NRG3: variants seen among roughly 807,000 people sequenced by gnomAD.
The protein encoded by NRG3 is neuregulin 3.
Under a neutral mutation model 66.9 loss-of-function variants are expected in NRG3, and 31 were observed. The observed-to-expected ratio is 0.46, with a 90% confidence interval of 0.35 to 0.63. NRG3 has a LOEUF of 0.63. Among genes scored for constraint, NRG3 ranks in the 20% least tolerant of loss-of-function variants. NRG3 has a pLI of 0.00. For synonymous variants in NRG3, 393 were observed against 359.4 expected, an observed-to-expected ratio of 1.09 and a Z score of -1.06; for missense variants, 910 against 878.9, an observed-to-expected ratio of 1.04 and a Z score of -0.45.
intron 2 of NRG3, among the ~76,000 whole-genome samples, chr10:82,671,977 G>T (rs914024027): frequency 2.0e-5 from 3 of 152,126 alleles, no homozygotes; most frequent in Non-Finnish European, 2.9e-5. Context: ...TATTTAAATG[G>T]TTATGTTTCC....
intron 3 of NRG3, among the ~76,000 whole-genome samples, chr10:82,739,258 G>A (rs2134751757): frequency 6.6e-6 from 1 of 152,302 alleles, no homozygotes; most frequent in South Asian, 2.1e-4. Flanking sequence ...TGTTTGTATG[G>A]TAGTAAAAGT....
intron 2 of NRG3, among the ~76,000 whole-genome samples, chr10:82,626,140 A>C (rs688413): frequency 0.74 from 112,715 of 151,984 alleles, 42,066 homozygotes; most frequent in Middle Eastern, 0.85. Context: ...TCAGCCTCAC[A>C]ATCCATGGCT....
intron 1 of NRG3, among the ~76,000 whole-genome samples, chr10:81,956,830 A>G (rs1267115560): frequency 6.6e-6 from 1 of 152,096 alleles, no homozygotes; most frequent in Non-Finnish European, 1.5e-5. Flanking sequence ...ACTATCCCCT[A>G]TTAGGCCCTG....
At chr10:81,892,648 G>A (rs1843132087) in intron 1 of NRG3, among the ~76,000 whole-genome samples, 1 of 152,160 alleles carries the variant, frequency 6.6e-6, no homozygotes, top group Non-Finnish European at 1.5e-5. Flanking sequence ...GAGAGTAGAT[G>A]AATGGTTGCC....
chr10:82,765,043 T>G (rs963261494), intron 3 of NRG3, among the ~76,000 whole-genome samples: 3 of 152,176 alleles, frequency 2.0e-5, no homozygotes, highest in African/African-American at 7.2e-5. Flanking sequence ...CTTGCTAAAG[T>G]GATTGGTAAA....
At chr10:82,507,836 A>G (rs1844825783) in intron 2 of NRG3, among the ~76,000 whole-genome samples, 1 of 152,216 alleles carries the variant, frequency 6.6e-6, no homozygotes, top group African/African-American at 2.4e-5. Flanking sequence ...TAATCAATTT[A>G]TTTATTATTT....
chr10:82,392,489 C>T (rs1421485574), intron 2 of NRG3, among the ~76,000 whole-genome samples: 3 of 151,992 alleles, frequency 2.0e-5, no homozygotes, highest in Non-Finnish European at 2.9e-5. Context: ...AGGAGTCTGG[C>T]GATAAATTAC....
At chr10:82,200,666 C>G (rs913587444) in intron 1 of NRG3, among the ~76,000 whole-genome samples, 1 of 152,126 alleles carries the variant, frequency 6.6e-6, no homozygotes, top group African/African-American at 2.4e-5. Context: ...TGCCCGAAGT[C>G]AAGCAGCTAG....
At chr10:82,470,079 C>T (rs898150620) in intron 2 of NRG3, among the ~76,000 whole-genome samples, 8 of 152,186 alleles carry the variant, frequency 5.3e-5, no homozygotes, top group Non-Finnish European at 1.0e-4. Context: ...GGAGCCCTCC[C>T]TCTGGCCTCT....
intron 1 of NRG3, among the ~76,000 whole-genome samples, chr10:82,139,899 A>G (rs1359894660): frequency 1.6e-4 from 13 of 79,710 alleles, no homozygotes; most frequent in Admixed American, 1.4e-3. Context: ...TTGTATTTAG[A>G]TGAATCACCA....
chr10:82,809,101 C>T (rs991494323), intron 3 of NRG3, among the ~76,000 whole-genome samples: 3 of 152,172 alleles, frequency 2.0e-5, no homozygotes, highest in Non-Finnish European at 2.9e-5. Context: ...CAAGACAACA[C>T]ATGCACCATG....
At chr10:82,494,028 A>G (rs1843396934) in intron 2 of NRG3, among the ~76,000 whole-genome samples, 1 of 152,200 alleles carries the variant, frequency 6.6e-6, no homozygotes, top group African/African-American at 2.4e-5. Flanking sequence ...GCAAATCAAA[A>G]CCACAATGAA....
At chr10:82,850,607 T>A (rs1005497530) in intron 3 of NRG3, among the ~76,000 whole-genome samples, 1 of 152,110 alleles carries the variant, frequency 6.6e-6, no homozygotes, top group African/African-American at 2.4e-5. Context: ...CTTAACAGCA[T>A]GAAAGCTCAA....
chr10:82,166,233 G>T (rs1468530340), intron 1 of NRG3, among the ~76,000 whole-genome samples: 2 of 152,024 alleles, frequency 1.3e-5, no homozygotes, highest in African/African-American at 2.4e-5. Flanking sequence ...TGTTGAGGCT[G>T]GTCTCTAACT....
intron 1 of NRG3, among the ~76,000 whole-genome samples, chr10:82,098,854 C>T (rs1397477156): frequency 6.6e-6 from 1 of 152,190 alleles, no homozygotes; most frequent in East Asian, 1.9e-4. Context: ...AGCTCCACCT[C>T]CTGGGTTCAC....
At chr10:82,534,261 C>CTT (rs1196709690) in intron 2 of NRG3, among the ~76,000 whole-genome samples, 4 of 149,974 alleles carry the variant, frequency 2.7e-5, no homozygotes, top group Middle Eastern at 6.8e-3. Context: ...TAGAAAAATC[C>CTT]ATTTTGTTTT....
rs1591188411 is a variant in NRG3 at position 82,691,870 on chromosome 10, G to A, written c.954-46707G>A. Among the ~76,000 whole-genome samples, 5 of 152,296 alleles carry A rather than the reference G, an allele frequency of 3.3e-5. 1 individual carries two copies. Among genetic ancestry groups the A allele is most frequent in the Admixed American group, 3.3e-4 (5 of 15,302 alleles). On this transcript the variant is annotated intron_variant, in intron 2 of 8. Transcript: ENST00000372141. ...GTGGCTGAGCAGAGGTTCCAATCCA[G>A]GGCATGTTAGTGCACACGGGCTCTT...
At chr10:82,329,881 G>C (rs1475553662) in intron 1 of NRG3, among the ~76,000 whole-genome samples, 1 of 152,150 alleles carries the variant, frequency 6.6e-6, no homozygotes, top group East Asian at 1.9e-4. Context: ...TGTGCTTCTG[G>C]TCCTATGCTC....
At chr10:82,026,700 T>C (rs1398216800) in intron 1 of NRG3, among the ~76,000 whole-genome samples, 1 of 152,010 alleles carries the variant, frequency 6.6e-6, no homozygotes, top group Non-Finnish European at 1.5e-5. Context: ...TGTTTGTTTG[T>C]TTGTCTGAAG....
Sources: gnomAD v4.1 joint callset for allele counts (sites outside exome capture counted in the v4.1 genomes callset) on GRCh38, gnomAD v4.1.1 for gene constraint, MANE v1.5 for transcripts, NCBI Gene and HGNC (gene_info 2026-07-23, HGNC 2026-07-21) for gene names.